GNB4: variants seen among roughly 807,000 people sequenced by gnomAD.
The protein encoded by GNB4 is G protein subunit beta 4, also known as guanine nucleotide-binding protein subunit beta-4.
A neutral mutation model predicts 45.2 loss-of-function variants in GNB4; 28 were observed. That is an observed-to-expected ratio of 0.62 (90% CI 0.46 to 0.85). The LOEUF is 0.85. Ranked by LOEUF, GNB4 falls within the 40% of genes least tolerant of loss-of-function variation. The pLI is 0.00. For synonymous variants in GNB4, 132 were observed against 143.7 expected, an observed-to-expected ratio of 0.92 and a Z score of 0.58; for missense variants, 321 against 425.4, an observed-to-expected ratio of 0.75 and a Z score of 2.16.
At chr3:179,493,634 G>C in the GNB4 span, among the ~76,000 whole-genome samples, 2 of 152,022 alleles carry the variant, frequency 1.3e-5, no homozygotes, top group South Asian at 4.2e-4. Context: ...AGAAGAGAGA[G>C]GAAAGGAGGA....
chr3:179,405,267 T>C lies in GNB4; in HGVS notation c.839A>G (p.Lys280Arg), dbSNP rs1367787021. Residue 280 changes from lysine (K) to arginine (R), a missense_variant, in exon 9 of 10, where the codon AAA becomes AGA. Lys to Arg is a conservative substitution (Grantham distance 26, BLOSUM62 2). Transcript: ENST00000232564. Reference protein sequence around the residue: ...ICGITSVAFSKSGRLLLAGYD... With the variant: ...ICGITSVAFSRSGRLLLAGYD... ...ACCAGCCAACAAGAGACGCCCACTTTTTGAGAAGGCTACAGAAGTGATTCC... is the reference window on the plus strand; with the variant it reads ...ACCAGCCAACAAGAGACGCCCACTTCTTGAGAAGGCTACAGAAGTGATTCC... 3 of 1,614,208 alleles carry C rather than the reference T, an allele frequency of 1.9e-6. No individual in the cohort carries two copies. In the Admixed American group the frequency reaches 5.0e-5, roughly 27 times the overall value.
upstream of GNB4, among the ~76,000 whole-genome samples, chr3:179,455,624 G>A (rs1715965602): frequency 6.6e-6 from 1 of 152,170 alleles, no homozygotes; most frequent in Non-Finnish European, 1.5e-5. Flanking sequence ...AAGGAACTCT[G>A]ATCTGTTTCT....
chr3:179,485,317 C>T, the GNB4 span, among the ~76,000 whole-genome samples: 4 of 152,128 alleles, frequency 2.6e-5, no homozygotes, highest in Non-Finnish European at 5.9e-5. Flanking sequence ...CGGCCCATGG[C>T]AACTTTATAG....
At chr3:179,476,069 T>C in the GNB4 span, among the ~76,000 whole-genome samples, 1 of 152,264 alleles carries the variant, frequency 6.6e-6, no homozygotes, top group African/African-American at 2.4e-5. Context: ...CTCATCAAAA[T>C]CAGATATGGG....
chr3:179,406,433 C>T (rs1714472132), intron 8 of GNB4, among the ~76,000 whole-genome samples: 1 of 152,154 alleles, frequency 6.6e-6, no homozygotes, highest in African/African-American at 2.4e-5. Flanking sequence ...CACAGTATTT[C>T]TCCCTTAACA....
Position 179,412,459 on chromosome 3 carries a change from C to T in GNB4, c.699+953G>A, listed in dbSNP as rs374638337. Among the ~76,000 whole-genome samples, 10 of 152,132 alleles carry T rather than the reference C, an allele frequency of 6.6e-5. No individual in the cohort carries two copies. In the East Asian group the frequency reaches 1.4e-3, roughly 21 times the overall value. ...TGCCATTGTACTCCAGCCTGGGCAA[C>T]GGAATGAGACCCTGTCTCTAAATAA... On this transcript the variant is annotated intron_variant, in intron 8 of 9. Transcript: ENST00000232564.
chr3:179,415,564 T>C (rs1714774473), intron 5 of GNB4, among the ~76,000 whole-genome samples: 1 of 152,114 alleles, frequency 6.6e-6, no homozygotes, highest in Non-Finnish European at 1.5e-5. Context: ...ATGGTGATAG[T>C]TTTTTATTGC....
upstream of GNB4, among the ~76,000 whole-genome samples, chr3:179,451,988 C>T (rs1404550434): frequency 2.0e-5 from 3 of 152,194 alleles, no homozygotes; most frequent in African/African-American, 7.2e-5. Flanking sequence ...CGTGTACCGT[C>T]TCGGGCCTAA....
chr3:179,475,621 T>C, the GNB4 span, among the ~76,000 whole-genome samples: 3 of 151,688 alleles, frequency 2.0e-5, no homozygotes, highest in East Asian at 1.9e-4. Flanking sequence ...TACAGGTGCA[T>C]GCCACCACAC....
chr3:179,522,262 C>T, the GNB4 span, among the ~76,000 whole-genome samples: 1 of 152,044 alleles, frequency 6.6e-6, no homozygotes, highest in African/African-American at 2.4e-5. Flanking sequence ...CAAAAGCTCC[C>T]CCACTGAGCA....
At chr3:179,466,071 C>T in the GNB4 span, among the ~76,000 whole-genome samples, 9 of 134,050 alleles carry the variant, frequency 6.7e-5, no homozygotes, top group East Asian at 2.6e-4. Flanking sequence ...AGTGCAGTGG[C>T]GTGATCTCGG....
At chr3:179,522,021 C>T in the GNB4 span, among the ~76,000 whole-genome samples, 51 of 152,030 alleles carry the variant, frequency 3.4e-4, no homozygotes, top group Non-Finnish European at 5.4e-4. Flanking sequence ...AAATTTTCGC[C>T]GCCCCAACAC....
the GNB4 span, among the ~76,000 whole-genome samples, chr3:179,522,231 G>A: frequency 2.0e-5 from 3 of 152,060 alleles, no homozygotes; most frequent in South Asian, 6.2e-4. Flanking sequence ...ACATTACCTT[G>A]TGAAATTCCT....
At chr3:179,421,673 G>A (rs879635486) in intron 2 of GNB4, among the ~76,000 whole-genome samples, 8 of 152,300 alleles carry the variant, frequency 5.3e-5, no homozygotes, top group African/African-American at 1.7e-4. Flanking sequence ...CCAGTCAGCC[G>A]AGGGAAAAAT....
chr3:179,424,774 T>C (rs949201618), intron 2 of GNB4, among the ~76,000 whole-genome samples: 11 of 152,026 alleles, frequency 7.2e-5, no homozygotes, highest in South Asian at 2.1e-4. Flanking sequence ...CCGGCTAACG[T>C]TTTTTTGTTT....
rs1198106715 is a variant in GNB4, at chr3:179,405,066, A to T, written c.916+124T>A. ...ACAAAAGGTAACAACAAAGAACATGATGAGAACCATCGGGTTACCACTTTC... is the reference window on the plus strand; with the variant it reads ...ACAAAAGGTAACAACAAAGAACATGTTGAGAACCATCGGGTTACCACTTTC... On this transcript the variant is annotated intron_variant, in intron 9 of 9. Transcript: ENST00000232564. 25 of 627,230 alleles carry T rather than the reference A, an allele frequency of 4.0e-5. No individual in the cohort carries two copies. The East Asian group carries it at 6.3e-4, about 16-fold the overall frequency. The allele number at this position is 627,230 out of a possible 1,614,324, so 38.9% of individuals were successfully genotyped here. A position where few individuals can be genotyped will look rare whatever the true frequency, so the allele number is the denominator to read the frequency against.
chr3:179,450,984 T>G (rs1166969060), intron 1 of GNB4: 1 of 152,294 alleles, frequency 6.6e-6, no homozygotes, highest in Non-Finnish European at 1.5e-5. Flanking sequence ...CACGGGCTCG[T>G]GCTCTGAGTT....
the GNB4 span, among the ~76,000 whole-genome samples, chr3:179,466,151 C>T: frequency 6.6e-6 from 1 of 151,964 alleles, no homozygotes; most frequent in Non-Finnish European, 1.5e-5. Context: ...GCTGGGATTA[C>T]AGGTGCATGC....
intron 1 of GNB4, among the ~76,000 whole-genome samples, chr3:179,447,279 G>T (rs1715757601): frequency 6.7e-6 from 1 of 150,366 alleles, no homozygotes; most frequent in Admixed American, 6.7e-5. Flanking sequence ...AGTGAGCAGG[G>T]CAGAGAGCAG....
Sources: gnomAD v4.1 joint callset for allele counts (sites outside exome capture counted in the v4.1 genomes callset) on GRCh38, gnomAD v4.1.1 for gene constraint, MANE v1.5 for transcripts, NCBI Gene and HGNC (gene_info 2026-07-23, HGNC 2026-07-21) for gene names.